IFT43: variants seen among roughly 807,000 people sequenced by gnomAD.
The protein encoded by IFT43 is intraflagellar transport protein 43 homolog.
IFT43 carries 33 observed loss-of-function variants against 32.3 expected under a neutral mutation model. The ratio of observed to expected loss-of-function variants is 1.02; its 90% CI spans 0.77 to 1.37. IFT43 has a LOEUF of 1.37. IFT43 is among the 40% of genes most tolerant of loss of function. IFT43 has a pLI of 0.00. For synonymous variants in IFT43, 93 were observed against 98.2 expected (o/e 0.95, Z 0.31); for missense variants, 274 against 265.9 (o/e 1.03, Z -0.21).
Position 76,083,265 on chromosome 14 carries a change from C to T in IFT43, c.483C>T (p.Leu161=), listed in dbSNP as rs537627328. 8.1e-6 allele frequency: 13 copies of T among 1,613,908 alleles called. No individual in the cohort carries two copies. The highest frequency in any genetic ancestry group is 1.1e-5 in the South Asian group (1 of 91,066). Residue 161 remains leucine, a synonymous_variant, in exon 8 of 9, where the codon CTC becomes CTT. Coordinates refer to ENST00000314067, the MANE Select transcript of IFT43 (RefSeq NM_001102564.3). ...EIDLKLLTKV[L]APEHEVREDD... ...ACCTGAAACTCCTCACCAAAGTGCT[C>T]GCGCCGGAGCACGAAGTCCGGGAGG...
chr14:75,988,753 T>G, intron 1 of IFT43, 132 bp from the exon 2 acceptor site: 1 of 1,320,174 alleles, frequency 7.6e-7, no homozygotes, highest in South Asian at 1.2e-5. Flanking sequence ...CTCCTGACCT[T>G]GTGATCTGCC....
chr14:76,049,420 CT>C (rs1279527156), intron 3 of IFT43, among the ~76,000 whole-genome samples: 3 of 150,452 alleles, frequency 2.0e-5, no homozygotes, highest in Non-Finnish European at 4.4e-5. Flanking sequence ...ACAGCAATGT[CT>C]AGCTAATAAA....
At chr14:76,005,832 C>T (rs1412933699) in intron 2 of IFT43, among the ~76,000 whole-genome samples, 2 of 152,202 alleles carry the variant, frequency 1.3e-5, no homozygotes, top group Non-Finnish European at 2.9e-5. Flanking sequence ...TGTTTCCTCT[C>T]CAGTATCTTC....
intron 2 of IFT43, among the ~76,000 whole-genome samples, chr14:76,017,676 G>A (rs959655124): frequency 1.3e-5 from 2 of 152,076 alleles, no homozygotes; most frequent in African/African-American, 4.8e-5. Context: ...AAGCTATCTA[G>A]TCTTGGGCTT....
At position 76,083,497 on chromosome 14, in the gene IFT43, G is replaced by A. The variant is rs1465933679; in HGVS notation, c.547G>A (p.Val183Met). ...GGACTGGGACCATCTGTTCACTGAG[G>A]TGTCCTCAGAGGTCCTCACTGAGTG... is the stretch of plus-strand genomic sequence containing the variant. Reference protein sequence around the residue: ...GWDWDHLFTEVSSEVLTEWDP... With the variant: ...GWDWDHLFTEMSSEVLTEWDP... The change falls in exon 9 of 9, where the codon GTG (valine) becomes ATG (methionine). Residue 183 changes from valine (V) to methionine (M), a missense_variant. Val to Met is a conservative substitution (Grantham distance 21). Transcript: ENST00000314067. 6.2e-7 allele frequency: 1 copy of A among 1,614,028 alleles called. No individual in the cohort carries two copies. The highest frequency in any genetic ancestry group is 8.5e-7 in the Non-Finnish European group (1 of 1,180,012).
intron 5 of IFT43, 138 bp downstream of exon 5, chr14:76,059,511 C>A: frequency 2.5e-6 from 2 of 799,514 alleles, no homozygotes; most frequent in East Asian, 2.6e-5. Flanking sequence ...TGATGCACAT[C>A]TTCATGCCTT....
chr14:76,065,501 C>CCTCT (rs547148956), intron 5 of IFT43, among the ~76,000 whole-genome samples: 63 of 152,304 alleles, frequency 4.1e-4, no homozygotes, highest in African/African-American at 1.5e-3. Flanking sequence ...GCCCATCCTT[C>CCTCT]CTCTCTCTCC....
At chr14:76,054,919 G>A (rs572412897) in intron 3 of IFT43, among the ~76,000 whole-genome samples, 1 of 152,338 alleles carries the variant, frequency 6.6e-6, no homozygotes, top group East Asian at 1.9e-4. Context: ...TCCTCACACA[G>A]TCTGGGAGGC....
At chr14:75,986,041 T>C (rs1238242228) in intron 1 of IFT43, 1 of 1,520,456 alleles carries the variant, frequency 6.6e-7, no homozygotes, top group Non-Finnish European at 8.8e-7. Flanking sequence ...TTGCTTTCTT[T>C]AAAATCCTCA....
intron 3 of IFT43, among the ~76,000 whole-genome samples, chr14:76,023,214 C>G (rs530841218): frequency 4.7e-4 from 71 of 152,304 alleles, no homozygotes; most frequent in Non-Finnish European, 7.9e-4. Flanking sequence ...ATTGATGATC[C>G]CTACAGGGTG....
chr14:75,986,243 G>C, intron 1 of IFT43: 1 of 1,292,190 alleles, frequency 7.7e-7, no homozygotes, highest in East Asian at 5.5e-5. Context: ...CGTCGCAGAA[G>C]TTCCTGCAAA....
intron 5 of IFT43, among the ~76,000 whole-genome samples, chr14:76,073,892 G>A (rs1011109507): frequency 3.9e-5 from 6 of 152,072 alleles, no homozygotes; most frequent in African/African-American, 1.4e-4. Flanking sequence ...ATAAGAGAGC[G>A]AGCAGCAGTA....
chr14:76,058,963 G>C, intron 4 of IFT43: 1 of 1,434,714 alleles, frequency 7.0e-7, no homozygotes, highest in Non-Finnish European at 9.1e-7. Flanking sequence ...GATATAGATG[G>C]GCAGAAGCAA....
At chr14:76,080,460 G>GGGCAGA (rs1369090588) in intron 5 of IFT43, among the ~76,000 whole-genome samples, 1 of 152,200 alleles carries the variant, frequency 6.6e-6, no homozygotes, top group Non-Finnish European at 1.5e-5. Flanking sequence ...CCAAGACGCT[G>GGGCAGA]GGCAGAGTTG....
At chr14:76,079,116 T>C (rs2037462030) in intron 5 of IFT43, among the ~76,000 whole-genome samples, 1 of 152,224 alleles carries the variant, frequency 6.6e-6, no homozygotes, top group African/African-American at 2.4e-5. Context: ...AGGAGGCGTC[T>C]TTGAAGGCAT....
chr14:76,010,981 T>C (rs917570421), intron 2 of IFT43, among the ~76,000 whole-genome samples: 1 of 151,826 alleles, frequency 6.6e-6, no homozygotes, highest in African/African-American at 2.4e-5. Flanking sequence ...TAGCTCAGTG[T>C]AGCCTCAACC....
rs180836138 is a variant in IFT43 at position 76,028,710 on chromosome 14, T to C, written c.215+6316T>C. On this transcript the variant is annotated intron_variant, in intron 3 of 8. Coordinates refer to ENST00000314067, the MANE Select transcript of IFT43 (RefSeq NM_001102564.3). ...CTACTTATAAGTGAGACCTCTAATA[T>C]TTGGTTTTCTGTTTCTGCATTTGTT... Among the ~76,000 whole-genome samples, 10 of 152,292 alleles carry C rather than the reference T, an allele frequency of 6.6e-5. No homozygotes were observed. The East Asian group carries it at 1.9e-3, about 29-fold the overall frequency.
chr14:76,056,230 A>T (rs2037012287), intron 3 of IFT43, among the ~76,000 whole-genome samples: 1 of 152,114 alleles, frequency 6.6e-6, no homozygotes, highest in Non-Finnish European at 1.5e-5. Flanking sequence ...AGAACCCGTT[A>T]TTTCTGGCAG....
At chr14:76,035,217 C>T (rs1053510221) in intron 3 of IFT43, among the ~76,000 whole-genome samples, 3 of 152,148 alleles carry the variant, frequency 2.0e-5, no homozygotes, top group Non-Finnish European at 4.4e-5. Context: ...TATTGATGAA[C>T]GGCAGGAGTG....
Sources: gnomAD v4.1 joint callset for allele counts (sites outside exome capture counted in the v4.1 genomes callset) on GRCh38, gnomAD v4.1.1 for gene constraint, MANE v1.5 for transcripts, NCBI Gene and HGNC (gene_info 2026-07-23, HGNC 2026-07-21) for gene names.